FNBP1L: variants seen among roughly 807,000 people sequenced by gnomAD.
The protein encoded by FNBP1L is formin binding protein 1 like, also known as formin-binding protein 1-like.
A neutral mutation model predicts 91.2 loss-of-function variants in FNBP1L; 36 were observed. The ratio of observed to expected loss-of-function variants is 0.39; its 90% CI spans 0.30 to 0.52. FNBP1L has a LOEUF of 0.52. Among genes scored for constraint, FNBP1L ranks in the 20% least tolerant of loss-of-function variants. The pLI, the probability that FNBP1L is intolerant of heterozygous loss-of-function variation, is 0.66. For missense variants in FNBP1L, 571 were observed against 732.1 expected (o/e 0.78, Z 2.54); for synonymous variants, 242 against 237.0 (o/e 1.02, Z -0.19).
At chr1:93,544,001 G>T in intron 11 of FNBP1L, 106 bp from the exon 12 acceptor site, 2 of 734,722 alleles carry the variant, frequency 2.7e-6, no homozygotes, top group Non-Finnish European at 4.0e-6. Flanking sequence ...AGGCAAATTT[G>T]AAATTAAACT....
intron 2 of FNBP1L, among the ~76,000 whole-genome samples, chr1:93,502,800 A>G (rs762523988): frequency 3.9e-5 from 6 of 152,208 alleles, no homozygotes; most frequent in Non-Finnish European, 8.8e-5. Flanking sequence ...ACAAGGGCAG[A>G]ATTATTGGAG....
intron 1 of FNBP1L, among the ~76,000 whole-genome samples, chr1:93,480,605 T>G (rs962665718): frequency 2.0e-5 from 3 of 152,010 alleles, no homozygotes; most frequent in Non-Finnish European, 4.4e-5. Context: ...TTTTTAATTT[T>G]TTTTGAGAGG....
chr1:93,506,890 A>G (rs1670635440), intron 2 of FNBP1L, among the ~76,000 whole-genome samples: 1 of 152,146 alleles, frequency 6.6e-6, no homozygotes, highest in East Asian at 1.9e-4. Context: ...ATATATATTA[A>G]AAAGGGTGAT....
At chr1:93,523,311 G>A (rs1156939684) in intron 3 of FNBP1L, 33 bp from the exon 4 acceptor site, 2 of 1,571,126 alleles carry the variant, frequency 1.3e-6, no homozygotes, top group Non-Finnish European at 1.7e-6. Flanking sequence ...GAAAATAAAA[G>A]TAAGTCTCAC....
chr1:93,516,448 C>T (rs531562557), intron 2 of FNBP1L, among the ~76,000 whole-genome samples: 1 of 152,270 alleles, frequency 6.6e-6, no homozygotes, highest in East Asian at 1.9e-4. Context: ...TCTAAAGCCC[C>T]ACCTTCTTAA....
At chr1:93,454,468 G>A (rs1238300207) in intron 1 of FNBP1L, among the ~76,000 whole-genome samples, 1 of 152,110 alleles carries the variant, frequency 6.6e-6, no homozygotes, top group Non-Finnish European at 1.5e-5. Context: ...GAATACTTTG[G>A]TGGCAGGAGG....
At chr1:93,532,469 C>CAAAAA (rs35188106) in intron 7 of FNBP1L, among the ~76,000 whole-genome samples, 2 of 62,598 alleles carry the variant, frequency 3.2e-5, no homozygotes, top group Non-Finnish European at 5.6e-5. Flanking sequence ...GACTCCGCCT[C>CAAAAA]AAAAAAAAAA....
Position 93,448,188 on chromosome 1 carries a change from C to G in FNBP1L, c.-94C>G, listed in dbSNP as rs1054624456. On this transcript the variant is annotated 5_prime_UTR_variant, in exon 1 of 17. Transcript: ENST00000271234. ...CTTTCGAGGTAGACCCGCTGAGCTGCTAGCCCGCCGGCCAGCGAGTGAGAG... is the reference window on the plus strand; with the variant it reads ...CTTTCGAGGTAGACCCGCTGAGCTGGTAGCCCGCCGGCCAGCGAGTGAGAG... 54 of 1,483,600 alleles carry G rather than the reference C, an allele frequency of 3.6e-5. No homozygotes were observed. The highest frequency in any genetic ancestry group is 4.6e-5 in the Non-Finnish European group (51 of 1,105,216). 91.9% of individuals were successfully genotyped at this position (1,483,600 alleles called of 1,614,324 possible). A position where few individuals can be genotyped will look rare whatever the true frequency, so the allele number is the denominator to read the frequency against.
intron 14 of FNBP1L, among the ~76,000 whole-genome samples, chr1:93,548,560 C>T (rs1015469748): frequency 1.3e-5 from 2 of 152,074 alleles, no homozygotes; most frequent in Non-Finnish European, 2.9e-5. Context: ...CCCATGCTGG[C>T]TTAAACTAAA....
intron 16 of FNBP1L, 33 bp downstream of exon 16, chr1:93,551,138 C>T: frequency 6.5e-7 from 1 of 1,549,554 alleles, no homozygotes; most frequent in South Asian, 1.2e-5. Flanking sequence ...TAACCAGGCA[C>T]CTTTGTGCCA....
At chr1:93,503,532 CTCTTCTGTTGTTG>C (rs1158530345) in intron 2 of FNBP1L, among the ~76,000 whole-genome samples, 1 of 152,094 alleles carries the variant, frequency 6.6e-6, no homozygotes, top group Non-Finnish European at 1.5e-5. Context: ...TCTCCCTTTA[CTCTTCTGTTGTTG>C]TGTTTTGATG....
At chr1:93,524,164 G>A in intron 4 of FNBP1L, 97 bp from the exon 5 acceptor site, 2 of 916,834 alleles carry the variant, frequency 2.2e-6, no homozygotes, top group Non-Finnish European at 3.0e-6. Flanking sequence ...AAAGCCTTTT[G>A]GGGACTTTAG....
At chr1:93,474,591 A>G (rs1181131960) in intron 1 of FNBP1L, among the ~76,000 whole-genome samples, 1 of 152,228 alleles carries the variant, frequency 6.6e-6, no homozygotes, top group East Asian at 1.9e-4. Context: ...CTTTTGAAAC[A>G]AAACAGGCCC....
At chr1:93,533,217 T>C in intron 8 of FNBP1L, 149 bp downstream of exon 8, 3 of 541,290 alleles carry the variant, frequency 5.5e-6, no homozygotes, top group Non-Finnish European at 9.0e-6. Context: ...TAGATTCCTT[T>C]GAGTTCTGAG....
chr1:93,538,655 A>AT (rs1671925317), intron 10 of FNBP1L, among the ~76,000 whole-genome samples: 1 of 149,240 alleles, frequency 6.7e-6, no homozygotes, highest in Non-Finnish European at 1.5e-5. Flanking sequence ...ATATAGAAAA[A>AT]TTCAAAAAGA....
At chr1:93,513,196 A>T (rs1457860471) in intron 2 of FNBP1L, among the ~76,000 whole-genome samples, 1 of 152,008 alleles carries the variant, frequency 6.6e-6, no homozygotes, top group African/African-American at 2.4e-5. Context: ...CTCGACACAT[A>T]CACTCTCCCA....
At chr1:93,510,309 C>G (rs1670784646) in intron 2 of FNBP1L, among the ~76,000 whole-genome samples, 1 of 151,902 alleles carries the variant, frequency 6.6e-6, no homozygotes, top group Non-Finnish European at 1.5e-5. Flanking sequence ...CCCTGACCCC[C>G]AAGCAGCCTA....
intron 13 of FNBP1L, 116 bp from the exon 14 acceptor site, chr1:93,547,231 C>T: frequency 1.0e-6 from 1 of 965,136 alleles, no homozygotes; most frequent in African/African-American, 1.7e-5. Context: ...ATAAAGGTTT[C>T]ACATCTCTAA....
chr1:93,546,118 C>A (rs1489836973), intron 12 of FNBP1L, among the ~76,000 whole-genome samples: 1 of 151,884 alleles, frequency 6.6e-6, no homozygotes, highest in Non-Finnish European at 1.5e-5. Context: ...CGAGAAGAAA[C>A]CTTTGTCATT....
Sources: gnomAD v4.1 joint callset for allele counts (sites outside exome capture counted in the v4.1 genomes callset) on GRCh38, gnomAD v4.1.1 for gene constraint, MANE v1.5 for transcripts, NCBI Gene and HGNC (gene_info 2026-07-23, HGNC 2026-07-21) for gene names.